The following BCOR variants were observed in gnomAD, a reference collection of about 807,000 sequenced individuals.
BCOR encodes the protein BCL-6 corepressor.
BCOR carries 10 observed loss-of-function variants against 86.7 expected under a neutral mutation model. The ratio of observed to expected loss-of-function variants is 0.12; its 90% CI spans 0.07 to 0.20. BCOR has a LOEUF of 0.20. Among genes scored for constraint, BCOR ranks in the 10% least tolerant of loss-of-function variants. The pLI, the probability that BCOR is intolerant of heterozygous loss-of-function variation, is 1.00. For synonymous variants in BCOR, 611 were observed against 609.0 expected (o/e 1.00, Z -0.05); for missense variants, 1,259 against 1,452.1 (o/e 0.87, Z 2.16).
chrX:40,120,315 G>A (rs1937464921), intron 1 of BCOR, among the ~76,000 whole-genome samples: 1 of 111,219 alleles, frequency 9.0e-6, no homozygotes, highest in Admixed American at 9.6e-5. Flanking sequence ...TTCCCTGCAG[G>A]AATGCCCCTT....
chrX:40,145,295 C>T (rs990929458), intron 1 of BCOR, among the ~76,000 whole-genome samples: 2 of 111,552 alleles, frequency 1.8e-5, no homozygotes, highest in Non-Finnish European at 3.8e-5. Context: ...ACCCGCGGCG[C>T]CCGGCCCGCC....
chrX:40,054,357 A>G, intron 12 of BCOR, 24 bp from the exon 13 acceptor site: 17 of 1,145,058 alleles, frequency 1.5e-5, no homozygotes, highest in Non-Finnish European at 2.0e-5. Flanking sequence ...AAAATAAAAA[A>G]ACAAGATAAA....
rs377618853 is a variant in BCOR, at chrX:40,164,025, G to GAA, written c.-41+12980_-41+12981dup. On this transcript the variant is annotated intron_variant, in intron 1 of 14. Coordinates refer to the BCOR transcript ENST00000342274. ...GGCGACAGAGCAAGACTCCATCTCA[G>GAA]AAAAAAAAAAAAAAAAGGTGATGCA... Among the ~76,000 whole-genome samples, 338 of 66,914 alleles carry GAA rather than the reference G, an allele frequency of 5.1e-3. 1 individual carries two copies. Among genetic ancestry groups the GAA allele is most frequent in the African/African-American group, 0.017 (319 of 18,432 alleles). 58.1% of individuals were successfully genotyped at this position (66,914 alleles called of 115,157 possible).
chrX:40,163,139 C>T (rs771110829), intron 1 of BCOR, among the ~76,000 whole-genome samples: 7 of 111,464 alleles, frequency 6.3e-5, no homozygotes, highest in Non-Finnish European at 1.1e-4. Context: ...GTAGAGGGGG[C>T]GGTGACTTAT....
At position 40,051,808 on chromosome X, in the gene BCOR, AT is replaced by A. The variant is rs35289701; in HGVS notation, c.*300del. On this transcript the variant is annotated 3_prime_UTR_variant, in exon 15 of 15. Transcript: ENST00000378444. ...TCAAAGTGTGGAGCTCCTTTTACTC[AT>A]TTTTTTTTCTCCTTAAAAAAGAAAA... is the stretch of plus-strand genomic sequence containing the variant. 4.1e-4 allele frequency: 93 copies of A among 225,626 alleles called. No individual in the cohort carries two copies. Among genetic ancestry groups the A allele is most frequent in the African/African-American group, 1.9e-3 (65 of 34,276 alleles). The allele number at this position is 225,626 out of a possible 1,213,427, so 18.6% of individuals were successfully genotyped here. A position where few individuals can be genotyped will look rare whatever the true frequency, so the allele number is the denominator to read the frequency against.
In BCOR at chrX:40,129,475, C is replaced by T. The variant is rs765319525; in HGVS notation, c.-41+47532G>A. On this transcript the variant is annotated intron_variant, in intron 1 of 14. Coordinates refer to the BCOR transcript ENST00000342274. Reference sequence around the variant, plus strand: ...CTCCAGCCTGGCGACAGTGAGACTCCGTCTCAAAAAAAAAAAAAGAAGAAG... The same window carrying T: ...CTCCAGCCTGGCGACAGTGAGACTCTGTCTCAAAAAAAAAAAAAGAAGAAG... 1.1e-4 allele frequency among the ~76,000 whole-genome samples: 10 copies of T among 91,318 alleles called. 1 individual carries two copies. In the East Asian group the frequency reaches 1.2e-3, roughly 11 times the overall value. 79.3% of individuals were successfully genotyped at this position (91,318 alleles called of 115,157 possible).
chrX:40,139,394 C>CATAT (rs57283656), intron 1 of BCOR, among the ~76,000 whole-genome samples: 124 of 4,891 alleles, frequency 0.025, 31 homozygotes, highest in East Asian at 0.063. Context: ...AATATATATA[C>CATAT]ATATATATAT....
At chrX:40,104,978 C>G (rs1166580656) in intron 1 of BCOR, among the ~76,000 whole-genome samples, 1 of 110,670 alleles carries the variant, frequency 9.0e-6, no homozygotes, top group Non-Finnish European at 1.9e-5. Flanking sequence ...GCGGGCTCCG[C>G]GGAGCCCGGC....
intron 1 of BCOR, among the ~76,000 whole-genome samples, chrX:40,152,709 C>G (rs1366733100): frequency 8.9e-6 from 1 of 112,719 alleles, no homozygotes; most frequent in Non-Finnish European, 1.9e-5. Flanking sequence ...TGCAGGAGTG[C>G]GGGGTGCTGC....
chrX:40,080,750 G>A (rs1450845380), intron 1 of BCOR, among the ~76,000 whole-genome samples: 5 of 109,664 alleles, frequency 4.6e-5, no homozygotes, highest in African/African-American at 1.7e-4. Flanking sequence ...CCAGCCACCA[G>A]AACAAAGTGT....
At chrX:40,088,086 C>T (rs1192193257) in intron 1 of BCOR, among the ~76,000 whole-genome samples, 1 of 112,416 alleles carries the variant, frequency 8.9e-6, no homozygotes, top group Non-Finnish European at 1.9e-5. Context: ...GGAACATACA[C>T]TCAGACTTGC....
chrX:40,164,363 A>G (rs1389580940), intron 1 of BCOR, among the ~76,000 whole-genome samples: 1 of 113,095 alleles, frequency 8.8e-6, no homozygotes, highest in Non-Finnish European at 1.9e-5. Context: ...GATCAATTTC[A>G]TAACTTATTG....
At chrX:40,169,665 CT>C (rs1317689313) in intron 1 of BCOR, among the ~76,000 whole-genome samples, 5 of 111,479 alleles carry the variant, frequency 4.5e-5, no homozygotes, top group Non-Finnish European at 3.8e-5. Flanking sequence ...AATCCCCCCC[CT>C]ACTGGTCGGA....
chrX:40,054,684 G>A (rs1274717740), intron 12 of BCOR, among the ~76,000 whole-genome samples: 2 of 111,725 alleles, frequency 1.8e-5, no homozygotes, highest in Admixed American at 9.4e-5. Flanking sequence ...TGTATTTTTA[G>A]TAGACACAGG....
chrX:40,070,396 G>A (rs775252441), intron 6 of BCOR, among the ~76,000 whole-genome samples: 1 of 111,931 alleles, frequency 8.9e-6, no homozygotes, highest in East Asian at 2.8e-4. Context: ...ACCAAAGGGA[G>A]TGTACTGAGG....
chrX:40,096,935 G>C (rs1602211875), intron 1 of BCOR, among the ~76,000 whole-genome samples: 1 of 111,558 alleles, frequency 9.0e-6, no homozygotes, highest in South Asian at 3.7e-4. Context: ...CGAACTCCCT[G>C]CTCTCCTCCT....
intron 1 of BCOR, among the ~76,000 whole-genome samples, chrX:40,139,433 T>C (rs867002730): frequency 4.7e-5 from 1 of 21,054 alleles, no homozygotes; most frequent in South Asian, 2.0e-3. Flanking sequence ...TACATATATA[T>C]ATATATATAT....
intron 10 of BCOR, among the ~76,000 whole-genome samples, chrX:40,061,473 G>C (rs985418027): frequency 8.9e-6 from 1 of 111,738 alleles, no homozygotes; most frequent in African/African-American, 3.3e-5. Context: ...ATGAAAGGGT[G>C]AAATGAGTTA....
intron 1 of BCOR, among the ~76,000 whole-genome samples, chrX:40,157,178 CAA>C (rs906755247): frequency 1.8e-5 from 2 of 112,594 alleles, no homozygotes; most frequent in Non-Finnish European, 3.8e-5. Flanking sequence ...TGAAAAGTAC[CAA>C]GTGTGCAGAG....
Sources: allele counts gnomAD v4.1 joint callset (sites outside exome capture counted in the v4.1 genomes callset), GRCh38; gene constraint gnomAD v4.1.1; transcripts MANE v1.5; gene names NCBI Gene and HGNC (gene_info 2026-07-23, HGNC 2026-07-21).